The following HMCN1 variants were observed in gnomAD, a reference collection of about 807,000 sequenced individuals.
The protein encoded by HMCN1 is hemicentin-1.
In HMCN1, 321 loss-of-function variants were observed where a neutral mutation model predicts 625.9. The observed-to-expected ratio is 0.51, with a 90% confidence interval of 0.47 to 0.56. The LOEUF (loss-of-function observed/expected upper bound fraction) is 0.56, where lower values mean the gene tolerates loss of function less well. HMCN1 is among the 20% of genes least tolerant of loss of function. HMCN1 has a pLI of 0.00. For synonymous variants in HMCN1, 2,425 were observed against 2,417.6 expected, an observed-to-expected ratio of 1.00 and a Z score of -0.09; for missense variants, 6,588 against 6,887.3, an observed-to-expected ratio of 0.96 and a Z score of 1.54.
intron 1 of HMCN1, among the ~76,000 whole-genome samples, chr1:185,747,575 C>T (rs1654503704): frequency 2.6e-5 from 4 of 152,176 alleles, no homozygotes. Flanking sequence ...CTGCCTTGGC[C>T]TCCCAAATTG....
intron 97 of HMCN1, among the ~76,000 whole-genome samples, chr1:186,159,541 G>A (rs868769843): frequency 5.3e-5 from 8 of 152,026 alleles, no homozygotes; most frequent in East Asian, 1.9e-4. Context: ...ATTCAGTATG[G>A]TATTGGCTGT....
chr1:186,057,499 T>C, intron 46 of HMCN1, 98 bp downstream of exon 46: 1 of 847,912 alleles, frequency 1.2e-6, no homozygotes, highest in South Asian at 1.4e-5. Flanking sequence ...TGTTTTATTT[T>C]TTAACCTACT....
chr1:185,984,449 T>C, intron 19 of HMCN1, 136 bp downstream of exon 19: 7 of 922,980 alleles, frequency 7.6e-6, no homozygotes, highest in Non-Finnish European at 1.0e-5. Flanking sequence ...TCTTGAACAA[T>C]ATCTACATTG....
chr1:185,755,801 T>C (rs1278508948), intron 1 of HMCN1, among the ~76,000 whole-genome samples: 1 of 152,122 alleles, frequency 6.6e-6, no homozygotes, highest in Non-Finnish European at 1.5e-5. Context: ...AAGCTGGGAA[T>C]GGGAGTAAAG....
chr1:185,868,833 A>G lies in HMCN1; in HGVS notation c.621+2970A>G, dbSNP rs930143375. On this transcript the variant is annotated intron_variant, in intron 4 of 106. Coordinates refer to ENST00000271588, the MANE Select transcript of HMCN1 (RefSeq NM_031935.3). The stretch of plus-strand genomic sequence containing the variant: ...TGTAAATTCAGAAAATTTTATAAAT[A>G]TGGATATATTAGAGAAACTTAACCC... 7.5e-4 allele frequency among the ~76,000 whole-genome samples: 114 copies of G among 152,230 alleles called. 8 individuals are homozygous for G. The highest frequency in any genetic ancestry group is 7.3e-5 in the Non-Finnish European group (5 of 68,040).
At position 186,144,689 on chromosome 1, in the gene HMCN1, G is replaced by A; in HGVS notation, c.14252G>A (p.Ser4751Asn). The change falls in exon 91 of 107, where the codon AGT becomes AAT. Residue 4751 changes from serine to asparagine, a missense_variant. Coordinates refer to ENST00000271588, the MANE Select transcript of HMCN1 (RefSeq NM_031935.3). ...GATGTCCAGAGTGATTTTTGCAACA[G>A]TGACCCTTGCCCAAGTGAGTGTTGG... ...GSDVQSDFCN[S>N]DPCPTHGNWS... The A allele has an allele frequency of 1.2e-6, 2 of 1,614,104 alleles. No homozygotes were observed. The highest frequency in any genetic ancestry group is 1.7e-6 in the Non-Finnish European group (2 of 1,179,990).
intron 16 of HMCN1, among the ~76,000 whole-genome samples, chr1:185,978,717 G>A (rs1651401922): frequency 6.6e-6 from 1 of 151,988 alleles, no homozygotes; most frequent in African/African-American, 2.4e-5. Flanking sequence ...TTCTCATTCT[G>A]TTGCCCAGGC....
At chr1:185,913,291 A>G (rs373368782) in intron 6 of HMCN1, among the ~76,000 whole-genome samples, 21 of 152,284 alleles carry the variant, frequency 1.4e-4, no homozygotes, top group African/African-American at 4.8e-4. Context: ...CTTGCACATA[A>G]TGCCTGGTAT....
intron 1 of HMCN1, among the ~76,000 whole-genome samples, chr1:185,786,288 A>G (rs1657562549): frequency 6.6e-6 from 1 of 152,232 alleles, no homozygotes; most frequent in Non-Finnish European, 1.5e-5. Context: ...ACTTACATTT[A>G]CACAGTACAT....
At chr1:185,993,333 T>C (rs1204693972) in intron 23 of HMCN1, 24 bp downstream of exon 23, 2 of 1,611,492 alleles carry the variant, frequency 1.2e-6, no homozygotes, top group Non-Finnish European at 1.7e-6. Flanking sequence ...TGAGAACATA[T>C]GACAACCCTG....
Position 186,174,595 on chromosome 1 carries a change from T to C in HMCN1, c.15896T>C (p.Val5299Ala). 1 of 1,614,032 alleles carries C rather than the reference T, an allele frequency of 6.2e-7. No homozygotes were observed. Among genetic ancestry groups the C allele is most frequent in the Non-Finnish European group, 8.5e-7 (1 of 1,179,890 alleles). The change falls in exon 103 of 107, where the codon GTA becomes GCA. Residue 5299 changes from valine (V) to alanine (A), a missense_variant. Val to Ala is a moderately conservative substitution (Grantham distance 64). Transcript: ENST00000271588. ...AATACAAGAGGCAGCTATCGTTGTG[T>C]ATGCCCAAGAGGTTATCGGTCTCAA... is the stretch of plus-strand genomic sequence containing the variant. The part of the protein sequence containing the change: ...CENTRGSYRC[V>A]CPRGYRSQGV...
At chr1:185,896,923 A>G (rs370002622) in intron 4 of HMCN1, among the ~76,000 whole-genome samples, 1 of 152,210 alleles carries the variant, frequency 6.6e-6, no homozygotes, top group African/African-American at 2.4e-5. Context: ...TTTCAAATAT[A>G]CCTTGATGCT....
Position 186,108,458 on chromosome 1 carries a change from C to T in HMCN1, c.10853-3C>T, listed in dbSNP as rs1660725057. On this transcript the variant is annotated splice_polypyrimidine_tract_variant and splice_region_variant and intron_variant, in intron 70 of 106. Coordinates refer to ENST00000271588, the MANE Select transcript of HMCN1 (RefSeq NM_031935.3). The stretch of plus-strand genomic sequence containing the variant: ...CTTTTGTTGTATTTGTTCTCACACC[C>T]AGTACCTCCTAATATTGCTGGAACT... 1.2e-6 allele frequency: 2 copies of T among 1,613,962 alleles called. No homozygotes were observed. The highest frequency in any genetic ancestry group is 1.3e-5 in the African/African-American group (1 of 74,904).
At chr1:185,916,966 T>G (rs1196820832) in intron 6 of HMCN1, among the ~76,000 whole-genome samples, 3 of 152,104 alleles carry the variant, frequency 2.0e-5, no homozygotes, top group African/African-American at 7.2e-5. Context: ...TTCTGTCTCA[T>G]CCCAGAAGTG....
chr1:186,153,101 G>A (rs1650777265), intron 96 of HMCN1, among the ~76,000 whole-genome samples: 1 of 152,192 alleles, frequency 6.6e-6, no homozygotes, highest in Admixed American at 6.5e-5. Flanking sequence ...AATACTTGAT[G>A]TAAGGCATTT....
At chr1:185,788,489 A>G (rs1172263567) in intron 1 of HMCN1, among the ~76,000 whole-genome samples, 2 of 152,236 alleles carry the variant, frequency 1.3e-5, no homozygotes, top group African/African-American at 4.8e-5. Context: ...CTTTTAAATA[A>G]TAGACATTTT....
At chr1:185,784,881 A>G (rs1395363606) in intron 1 of HMCN1, among the ~76,000 whole-genome samples, 6 of 152,196 alleles carry the variant, frequency 3.9e-5, no homozygotes, top group Non-Finnish European at 7.3e-5. Flanking sequence ...TTCTCTGCCA[A>G]TCCTACCAAC....
chr1:186,167,078 C>G, intron 100 of HMCN1, 136 bp downstream of exon 100: 4 of 1,090,094 alleles, frequency 3.7e-6, no homozygotes, highest in Admixed American at 3.8e-5. Flanking sequence ...AGGAGATATC[C>G]AGCAAGAGGG....
At chr1:185,952,699 G>A (rs76043653) in intron 11 of HMCN1, among the ~76,000 whole-genome samples, 1 of 151,702 alleles carries the variant, frequency 6.6e-6, no homozygotes, top group Non-Finnish European at 1.5e-5. Flanking sequence ...TTTAGGTCAG[G>A]TGAGAGTTGA....
Sources: allele counts gnomAD v4.1 joint callset (sites outside exome capture counted in the v4.1 genomes callset), GRCh38; gene constraint gnomAD v4.1.1; transcripts MANE v1.5; gene names NCBI Gene and HGNC (gene_info 2026-07-23, HGNC 2026-07-21).